The following ZNF536 variants were observed in gnomAD, a reference collection of about 807,000 sequenced individuals.
ZNF536 encodes the protein zinc finger protein 536.
In ZNF536, 13 loss-of-function variants were observed where a neutral mutation model predicts 84.5. The ratio of observed to expected loss-of-function variants is 0.15; its 90% CI spans 0.10 to 0.24. The LOEUF is 0.24. Among genes scored for constraint, ZNF536 ranks in the 10% least tolerant of loss-of-function variants. The pLI is 1.00. For missense variants in ZNF536, 1,536 were observed against 1,747.5 expected (o/e 0.88, Z 2.16); for synonymous variants, 811 against 742.5 (o/e 1.09, Z -1.50).
rs561798582 is a variant in ZNF536 at position 30,238,664 on chromosome 19, C to CTCTA, written c.-190+9999_-190+10002dup. On this transcript the variant is annotated intron_variant, in intron 1 of 5. Coordinates refer to the ZNF536 transcript ENST00000585628. ...CTTCCTCCTTCCTTCCTATCTGTCT[C>CTCTA]TCTATCTATCTGTCTGTCTGTCTGT... 2.0e-4 allele frequency among the ~76,000 whole-genome samples: 31 copies of CTCTA among 152,078 alleles called. No homozygotes were observed. In the East Asian group the frequency reaches 5.8e-3, roughly 28 times the overall value.
intron 1 of ZNF536, among the ~76,000 whole-genome samples, chr19:30,264,393 CTCTGTGTG>C (rs756521814): frequency 6.8e-4 from 72 of 105,138 alleles, no homozygotes; most frequent in South Asian, 1.2e-3. Context: ...GCAGTTGTGC[CTCTGTGTG>C]TGTGTGTGTG....
chr19:30,587,761 C>T (rs370304848), intron 1 of ZNF536, among the ~76,000 whole-genome samples: 22 of 152,352 alleles, frequency 1.4e-4, no homozygotes, highest in Non-Finnish European at 2.1e-4. Context: ...CAGAGCTAAA[C>T]GAGTCGAGGC....
intron 4 of ZNF536, chr19:30,556,927 C>T (rs922122045): frequency 2.1e-6 from 1 of 483,592 alleles, no homozygotes; most frequent in Admixed American, 3.8e-5. Flanking sequence ...TAATTATCTC[C>T]TATTACTTAG....
intron 1 of ZNF536, among the ~76,000 whole-genome samples, chr19:30,407,896 A>G (rs1389059882): frequency 6.6e-6 from 1 of 152,110 alleles, no homozygotes; most frequent in South Asian, 2.1e-4. Context: ...TTCTCTCATT[A>G]GATCTGGGGA....
chr19:30,662,497 T>A (rs1395395208), intron 1 of ZNF536, among the ~76,000 whole-genome samples: 1 of 152,168 alleles, frequency 6.6e-6, no homozygotes, highest in Non-Finnish European at 1.5e-5. Flanking sequence ...CTGGATTATG[T>A]CAGTTGAAAA....
At chr19:30,302,315 T>G (rs2046212655) in intron 2 of ZNF536, among the ~76,000 whole-genome samples, 2 of 152,168 alleles carry the variant, frequency 1.3e-5, no homozygotes, top group Admixed American at 1.3e-4. Flanking sequence ...GGGAACGTGC[T>G]GGGAGCAGAT....
At chr19:30,648,099 A>G (rs2049545664) in intron 1 of ZNF536, among the ~76,000 whole-genome samples, 1 of 152,060 alleles carries the variant, frequency 6.6e-6, no homozygotes, top group Non-Finnish European at 1.5e-5. Context: ...TCATCCTCAG[A>G]TGGAATTTCC....
At chr19:30,593,322 C>T (rs1180691786) in intron 1 of ZNF536, among the ~76,000 whole-genome samples, 2 of 152,174 alleles carry the variant, frequency 1.3e-5, no homozygotes, top group East Asian at 1.9e-4. Flanking sequence ...CCTCATGAGG[C>T]TGACTTCAGG....
At chr19:30,427,424 A>G (rs760193439) in intron 1 of ZNF536, among the ~76,000 whole-genome samples, 2 of 152,156 alleles carry the variant, frequency 1.3e-5, no homozygotes, top group Non-Finnish European at 2.9e-5. Context: ...AAAAACAATG[A>G]TTTTTGATCT....
At chr19:30,500,448 C>T (rs943067008) in intron 2 of ZNF536, among the ~76,000 whole-genome samples, 3 of 152,010 alleles carry the variant, frequency 2.0e-5, no homozygotes, top group African/African-American at 4.8e-5. Context: ...CAACCCCGGG[C>T]TCATTCCTGG....
rs73924247 is a variant in ZNF536, at chr19:30,247,195, C to T, written c.-190+18522C>T. Among the ~76,000 whole-genome samples the T allele has an allele frequency of 3.8e-3, 577 of 152,346 alleles. 3 individuals carry two copies. The highest frequency in any genetic ancestry group is 0.013 in the African/African-American group (549 of 41,582). ...TAAGATATGTATTCAAGGGCACCCC[C>T]GGTGTGCCCCCATTGTAGGCCAGGT... On this transcript the variant is annotated intron_variant, in intron 1 of 5. Transcript: ENST00000585628.
At chr19:30,691,546 C>A (rs918183390) in intron 1 of ZNF536, among the ~76,000 whole-genome samples, 6 of 152,150 alleles carry the variant, frequency 3.9e-5, no homozygotes, top group Admixed American at 6.5e-5. Context: ...AAATAATTTG[C>A]GAGGCTCCCA....
intron 1 of ZNF536, among the ~76,000 whole-genome samples, chr19:30,261,656 A>G (rs1410110496): frequency 6.9e-6 from 1 of 144,838 alleles, no homozygotes; most frequent in Non-Finnish European, 1.5e-5. Context: ...CTATGATCGC[A>G]CCACTGCACT....
At chr19:30,435,582 G>A (rs1377420729) in intron 1 of ZNF536, among the ~76,000 whole-genome samples, 1 of 151,944 alleles carries the variant, frequency 6.6e-6, no homozygotes, top group African/African-American at 2.4e-5. Flanking sequence ...TGGTGATGAT[G>A]GTGATGATGA....
At chr19:30,530,456 C>T (rs1278150568) in intron 2 of ZNF536, among the ~76,000 whole-genome samples, 2 of 152,142 alleles carry the variant, frequency 1.3e-5, no homozygotes, top group Admixed American at 1.3e-4. Flanking sequence ...AAGCAATTCT[C>T]CTGCCTCAGT....
At chr19:30,447,132 C>T (rs1012121086) in intron 2 of ZNF536, among the ~76,000 whole-genome samples, 1 of 152,192 alleles carries the variant, frequency 6.6e-6, no homozygotes, top group African/African-American at 2.4e-5. Flanking sequence ...CACTGCCTTG[C>T]CCACTGTTAA....
At chr19:30,624,902 C>T (rs1460163411) in intron 1 of ZNF536, among the ~76,000 whole-genome samples, 1 of 152,110 alleles carries the variant, frequency 6.6e-6, no homozygotes, top group African/African-American at 2.4e-5. Context: ...AAGTGTTTGG[C>T]AAGTTCCTCC....
intron 1 of ZNF536, among the ~76,000 whole-genome samples, chr19:30,377,959 G>A (rs2048880100): frequency 6.6e-6 from 1 of 152,102 alleles, no homozygotes; most frequent in Non-Finnish European, 1.5e-5. Flanking sequence ...GGCTCCCAAG[G>A]CCACCCTCTC....
At chr19:30,592,076 A>G (rs896413730) in intron 1 of ZNF536, among the ~76,000 whole-genome samples, 1 of 152,376 alleles carries the variant, frequency 6.6e-6, no homozygotes, top group South Asian at 2.1e-4. Flanking sequence ...ATAGATGGCA[A>G]CAAGCATATT....
Sources: allele counts gnomAD v4.1 joint callset (sites outside exome capture counted in the v4.1 genomes callset), GRCh38; gene constraint gnomAD v4.1.1; transcripts MANE v1.5; gene names NCBI Gene and HGNC (gene_info 2026-07-23, HGNC 2026-07-21).